The following PKNOX2 variants were observed in gnomAD, a reference collection of about 807,000 sequenced individuals.
PKNOX2 encodes the protein homeobox protein PKNOX2.
Under a neutral mutation model 53.1 loss-of-function variants are expected in PKNOX2, and 14 were observed. The ratio of observed to expected loss-of-function variants is 0.26; its 90% CI spans 0.17 to 0.41. The LOEUF (loss-of-function observed/expected upper bound fraction) is 0.41, where lower values mean the gene tolerates loss of function less well. Ranked by LOEUF, PKNOX2 falls within the 10% of genes least tolerant of loss-of-function variation. The pLI is 1.00. For synonymous variants in PKNOX2, 257 were observed against 242.8 expected, an observed-to-expected ratio of 1.06 and a Z score of -0.54; for missense variants, 496 against 602.8, an observed-to-expected ratio of 0.82 and a Z score of 1.85.
intron 2 of PKNOX2, among the ~76,000 whole-genome samples, chr11:125,241,175 G>C (rs1231426518): frequency 1.3e-5 from 2 of 152,166 alleles, no homozygotes; most frequent in African/African-American, 4.8e-5. Context: ...TCACCCTGCA[G>C]CTGCTCCCCA....
intron 10 of PKNOX2, among the ~76,000 whole-genome samples, chr11:125,421,532 A>G (rs1333801905): frequency 1.3e-5 from 2 of 152,262 alleles, no homozygotes; most frequent in African/African-American, 2.4e-5. Context: ...GATCTGGAAC[A>G]GGTTAATGAA....
At chr11:125,226,487 GAGTT>G (rs1180779108) in intron 1 of PKNOX2, among the ~76,000 whole-genome samples, 4 of 152,144 alleles carry the variant, frequency 2.6e-5, no homozygotes, top group African/African-American at 9.7e-5. Context: ...GAGGCCCAGA[GAGTT>G]AGGGCAATGT....
At chr11:125,401,773 G>GTGTA in intron 7 of PKNOX2, among the ~76,000 whole-genome samples, 1 of 151,942 alleles carries the variant, frequency 6.6e-6, no homozygotes, top group Admixed American at 6.5e-5. Context: ...GTGAGTGTGT[G>GTGTA]TGTGTGTGTG....
chr11:125,314,485 T>A (rs1044107012), intron 2 of PKNOX2, among the ~76,000 whole-genome samples: 3 of 152,132 alleles, frequency 2.0e-5, no homozygotes, highest in Non-Finnish European at 4.4e-5. Flanking sequence ...GGGAGCATGC[T>A]GCTTCCCCGC....
chr11:125,291,784 CAT>C (rs1947320371), intron 2 of PKNOX2, among the ~76,000 whole-genome samples: 1 of 152,080 alleles, frequency 6.6e-6, no homozygotes, highest in Admixed American at 6.5e-5. Context: ...ACCTTAAAAA[CAT>C]ATGTTAAGTG....
chr11:125,295,430 A>T (rs1411974305), intron 2 of PKNOX2, among the ~76,000 whole-genome samples: 1 of 152,178 alleles, frequency 6.6e-6, no homozygotes, highest in Non-Finnish European at 1.5e-5. Flanking sequence ...GTGTGTGTGC[A>T]TGTGTCCATA....
intron 2 of PKNOX2, among the ~76,000 whole-genome samples, chr11:125,246,465 C>T (rs1943571808): frequency 6.6e-6 from 1 of 152,192 alleles, no homozygotes; most frequent in African/African-American, 2.4e-5. Flanking sequence ...CAAACCATAG[C>T]AGGAATATTC....
chr11:125,389,988 C>T (rs748575465), intron 6 of PKNOX2, among the ~76,000 whole-genome samples: 1 of 152,104 alleles, frequency 6.6e-6, no homozygotes, highest in Admixed American at 6.5e-5. Context: ...AGGAATCAGG[C>T]CAGAGCTCTG....
At chr11:125,381,609 C>A (rs949506604) in intron 5 of PKNOX2, among the ~76,000 whole-genome samples, 2 of 152,088 alleles carry the variant, frequency 1.3e-5, no homozygotes, top group Non-Finnish European at 2.9e-5. Flanking sequence ...TGTGGTTCTG[C>A]AGAGGAGGTG....
intron 2 of PKNOX2, among the ~76,000 whole-genome samples, chr11:125,286,683 G>A (rs1180891881): frequency 6.6e-6 from 1 of 152,212 alleles, no homozygotes; most frequent in Admixed American, 6.5e-5. Flanking sequence ...CGGAGCAATG[G>A]CCAAAGCTGT....
chr11:125,220,894 T>C (rs1328928983), intron 1 of PKNOX2, among the ~76,000 whole-genome samples: 1 of 152,132 alleles, frequency 6.6e-6, no homozygotes, highest in Admixed American at 6.5e-5. Context: ...GACTTTGTGT[T>C]CTGCTCCCAT....
intron 3 of PKNOX2, among the ~76,000 whole-genome samples, chr11:125,338,844 G>T (rs1051189448): frequency 9.2e-5 from 14 of 152,200 alleles, no homozygotes; most frequent in African/African-American, 3.4e-4. Flanking sequence ...CAAAGTGAAG[G>T]CATGATCTTG....
In PKNOX2 at chr11:125,390,021, G is replaced by A. The variant is rs1040664226; in HGVS notation, c.399+4299G>A. 4.6e-5 allele frequency among the ~76,000 whole-genome samples: 7 copies of A among 152,186 alleles called. 1 individual carries two copies. The South Asian group carries it at 8.3e-4, about 18-fold the overall frequency. On this transcript the variant is annotated intron_variant, in intron 6 of 12. Coordinates refer to ENST00000298282, the MANE Select transcript of PKNOX2 (RefSeq NM_001382323.2). ...CTGGGCCCAGAGGCCTCAGGCCAGC[G>A]GCATTCAGAGACTTAGCCACTTTGG... is the stretch of plus-strand genomic sequence containing the variant.
intron 4 of PKNOX2, among the ~76,000 whole-genome samples, chr11:125,361,248 G>C (rs1407543613): frequency 6.6e-6 from 1 of 152,116 alleles, no homozygotes; most frequent in African/African-American, 2.4e-5. Flanking sequence ...CTAGTGAGGA[G>C]GGAGGCGAGT....
At chr11:125,300,980 G>A (rs1024842524) in intron 2 of PKNOX2, among the ~76,000 whole-genome samples, 1 of 152,186 alleles carries the variant, frequency 6.6e-6, no homozygotes, top group Non-Finnish European at 1.5e-5. Context: ...GCAGTGTGTG[G>A]CCCTGGGCAA....
At chr11:125,231,722 G>GT (rs1565474838) in intron 1 of PKNOX2, among the ~76,000 whole-genome samples, 20 of 151,724 alleles carry the variant, frequency 1.3e-4, no homozygotes, top group Admixed American at 8.5e-4. Context: ...TGTGTGTGGG[G>GT]GGTGTGTGTG....
At chr11:125,220,370 G>A (rs1454123662) in intron 1 of PKNOX2, among the ~76,000 whole-genome samples, 1 of 152,208 alleles carries the variant, frequency 6.6e-6, no homozygotes, top group African/African-American at 2.4e-5. Context: ...GAGAGCGGCT[G>A]ATTTCCAACC....
At chr11:125,390,007 G>A (rs11220046) in intron 6 of PKNOX2, among the ~76,000 whole-genome samples, 21,410 of 152,080 alleles carry the variant, frequency 0.14, 1,571 homozygotes, top group African/African-American at 0.16. Flanking sequence ...TGGGCCCAGA[G>A]GCCTCAGGCC....
chr11:125,362,735 T>G (rs1438914437), intron 4 of PKNOX2, among the ~76,000 whole-genome samples: 1 of 152,186 alleles, frequency 6.6e-6, no homozygotes, highest in East Asian at 1.9e-4. Flanking sequence ...TGGAAAAAGA[T>G]GGTGCTTAAC....
Sources: gnomAD v4.1 joint callset for allele counts (sites outside exome capture counted in the v4.1 genomes callset) on GRCh38, gnomAD v4.1.1 for gene constraint, MANE v1.5 for transcripts, NCBI Gene and HGNC (gene_info 2026-07-23, HGNC 2026-07-21) for gene names.